The following CCSER1 variants were observed in gnomAD, a reference collection of about 807,000 sequenced individuals.
CCSER1 encodes the protein serine-rich coiled-coil domain-containing protein 1.
In CCSER1, 41 loss-of-function variants were observed where a neutral mutation model predicts 82.0. That is an observed-to-expected ratio of 0.50 (90% CI 0.39 to 0.65). The LOEUF is 0.65. CCSER1 is among the 30% of genes least tolerant of loss of function. The pLI is 0.00. For synonymous variants in CCSER1, 414 were observed against 383.9 expected (o/e 1.08, Z -0.92); for missense variants, 1,119 against 1,064.2 (o/e 1.05, Z -0.72).
At chr4:90,881,817 C>A (rs968766593) in intron 8 of CCSER1, among the ~76,000 whole-genome samples, 1 of 151,980 alleles carries the variant, frequency 6.6e-6, no homozygotes, top group Non-Finnish European at 1.5e-5. Context: ...ACAAAAAACA[C>A]CTATAGATGA....
chr4:90,330,104 A>G (rs968898109), intron 3 of CCSER1, among the ~76,000 whole-genome samples: 2 of 152,174 alleles, frequency 1.3e-5, no homozygotes, highest in South Asian at 2.1e-4. Context: ...GGTCATTTCT[A>G]TGATAATTTA....
chr4:91,255,824 T>A (rs1740637655), intron 10 of CCSER1, among the ~76,000 whole-genome samples: 1 of 152,218 alleles, frequency 6.6e-6, no homozygotes, highest in Admixed American at 6.5e-5. Flanking sequence ...TTTAATCTCT[T>A]AATCCCATTA....
chr4:90,343,800 A>G (rs6835114), intron 3 of CCSER1, among the ~76,000 whole-genome samples: 99,813 of 152,034 alleles, frequency 0.66, 34,270 homozygotes, highest in African/African-American at 0.86. Context: ...TACATGCGAC[A>G]TTTTCATACA....
At chr4:91,231,198 CAA>C (rs1271741171) in intron 10 of CCSER1, among the ~76,000 whole-genome samples, 3 of 151,790 alleles carry the variant, frequency 2.0e-5, no homozygotes, top group Admixed American at 6.6e-5. Flanking sequence ...TAAGGGGAAA[CAA>C]AGTGAATGGT....
At chr4:90,756,371 T>C (rs905342344) in intron 7 of CCSER1, among the ~76,000 whole-genome samples, 3 of 152,206 alleles carry the variant, frequency 2.0e-5, no homozygotes, top group African/African-American at 7.2e-5. Context: ...TTCCTCTCCA[T>C]ATTCAACTCT....
At position 91,045,628 on chromosome 4, in the gene CCSER1, A is replaced by G. The variant is rs564211275; in HGVS notation, c.2173-40322A>G. On this transcript the variant is annotated intron_variant, in intron 9 of 10. Coordinates refer to ENST00000509176, the MANE Select transcript of CCSER1 (RefSeq NM_001145065.2). Reference sequence around the variant, plus strand: ...GAAATATTTGGTGTATCTCTATTCCATAATCCTCCATAGTATCTACAATTA... The same window carrying G: ...GAAATATTTGGTGTATCTCTATTCCGTAATCCTCCATAGTATCTACAATTA... 3.2e-4 allele frequency among the ~76,000 whole-genome samples: 49 copies of G among 152,340 alleles called. 1 individual carries two copies. In the South Asian group the frequency reaches 9.7e-3, roughly 30 times the overall value.
Position 91,367,451 on chromosome 4 carries a change from C to T in CCSER1, c.2218-231121C>T, listed in dbSNP as rs890817663. On this transcript the variant is annotated intron_variant, in intron 10 of 10. Coordinates refer to ENST00000509176, the MANE Select transcript of CCSER1 (RefSeq NM_001145065.2). Reference sequence around the variant, plus strand: ...ATTTCTTTCTTTTTTTTTTTTTTAACACACAGATGTTCTGACCATGGAACT... The same window carrying T: ...ATTTCTTTCTTTTTTTTTTTTTTAATACACAGATGTTCTGACCATGGAACT... 4.7e-5 allele frequency among the ~76,000 whole-genome samples: 6 copies of T among 127,004 alleles called. No homozygotes were observed. In the South Asian group the frequency reaches 7.8e-4, roughly 17 times the overall value. The allele number at this position is 127,004 out of a possible 152,430, so 83.3% of individuals were successfully genotyped here.
chr4:90,183,530 C>T (rs1734068990), intron 1 of CCSER1, among the ~76,000 whole-genome samples: 3 of 152,002 alleles, frequency 2.0e-5, no homozygotes. Context: ...TGCTGCTCTC[C>T]CACAGTGCAC....
chr4:90,363,562 G>C (rs1220425559), intron 3 of CCSER1, among the ~76,000 whole-genome samples: 3 of 151,704 alleles, frequency 2.0e-5, no homozygotes, highest in Non-Finnish European at 4.4e-5. Flanking sequence ...AATGCAACTT[G>C]GCTGCCTACC....
rs757845181 is a variant in CCSER1 at position 91,512,149 on chromosome 4, C to T, written c.2218-86423C>T. Reference sequence around the variant, plus strand: ...CTGTCAACTTGATTGGATTGAAGGACGCAATGTACCGTTTTTGGGTGTGTC... The same window carrying T: ...CTGTCAACTTGATTGGATTGAAGGATGCAATGTACCGTTTTTGGGTGTGTC... On this transcript the variant is annotated intron_variant, in intron 10 of 10. Transcript: ENST00000509176. Among the ~76,000 whole-genome samples the T allele has an allele frequency of 3.9e-5, 6 of 152,090 alleles. No homozygotes were observed. The South Asian group carries it at 6.2e-4, about 16-fold the overall frequency.
At chr4:90,709,946 GTT>G (rs200510091) in intron 6 of CCSER1, among the ~76,000 whole-genome samples, 7 of 134,950 alleles carry the variant, frequency 5.2e-5, no homozygotes, top group East Asian at 2.2e-4. Context: ...GCCAGCATCT[GTT>G]TTTTTTTTTT....
intron 3 of CCSER1, among the ~76,000 whole-genome samples, chr4:90,367,531 G>T (rs1280332691): frequency 1.3e-5 from 2 of 151,662 alleles, no homozygotes; most frequent in African/African-American, 4.8e-5. Context: ...AAGAAAAAAA[G>T]AATTTAAAAA....
chr4:90,302,591 A>T (rs1304166685), intron 1 of CCSER1, among the ~76,000 whole-genome samples: 1 of 152,158 alleles, frequency 6.6e-6, no homozygotes, highest in Non-Finnish European at 1.5e-5. Context: ...GCTTGAGGCC[A>T]GGAGTTTGAG....
intron 9 of CCSER1, among the ~76,000 whole-genome samples, chr4:91,051,397 G>A (rs1274848678): frequency 2.0e-5 from 3 of 151,958 alleles, no homozygotes; most frequent in African/African-American, 7.2e-5. Context: ...ATTGCTATTG[G>A]GGATGCTTGA....
At chr4:91,148,660 G>A (rs1305486196) in intron 10 of CCSER1, among the ~76,000 whole-genome samples, 6 of 152,038 alleles carry the variant, frequency 3.9e-5, no homozygotes, top group African/African-American at 7.2e-5. Flanking sequence ...ACAGGCCCCG[G>A]TGTGTGATGT....
At chr4:91,333,885 T>A (rs1244427841) in intron 10 of CCSER1, among the ~76,000 whole-genome samples, 1 of 151,996 alleles carries the variant, frequency 6.6e-6, no homozygotes, top group Non-Finnish European at 1.5e-5. Context: ...GTGACATAAG[T>A]CAGTGTAATT....
intron 10 of CCSER1, among the ~76,000 whole-genome samples, chr4:91,115,095 TAA>T (rs1169876509): frequency 6.6e-6 from 1 of 152,188 alleles, no homozygotes; most frequent in Non-Finnish European, 1.5e-5. Flanking sequence ...TAAATATGTA[TAA>T]ATAATAGCAT....
At chr4:90,899,179 A>T (rs1724225111) in intron 8 of CCSER1, among the ~76,000 whole-genome samples, 1 of 151,978 alleles carries the variant, frequency 6.6e-6, no homozygotes, top group Non-Finnish European at 1.5e-5. Flanking sequence ...TAAATGAAAT[A>T]TATTTTTAGG....
At chr4:90,860,809 G>A (rs1764996883) in intron 8 of CCSER1, among the ~76,000 whole-genome samples, 1 of 151,610 alleles carries the variant, frequency 6.6e-6, no homozygotes, top group Non-Finnish European at 1.5e-5. Flanking sequence ...TCCACAATAG[G>A]CAAGTCTATA....
Sources: allele counts gnomAD v4.1 joint callset (sites outside exome capture counted in the v4.1 genomes callset), GRCh38; gene constraint gnomAD v4.1.1; transcripts MANE v1.5; gene names NCBI Gene and HGNC (gene_info 2026-07-23, HGNC 2026-07-21).